Variants in ARFIP1 observed in about 807,000 individuals in gnomAD.
ARFIP1 encodes ARF interacting protein 1.
ARFIP1 carries 24 observed loss-of-function variants against 42.5 expected under a neutral mutation model. That is an observed-to-expected ratio of 0.57 (90% confidence interval 0.41 to 0.80). ARFIP1 has a LOEUF of 0.80. ARFIP1 is among the 30% of genes least tolerant of loss of function. The pLI, the probability that ARFIP1 is intolerant of heterozygous loss-of-function variation, is 0.00. For synonymous variants in ARFIP1, 141 were observed against 153.7 expected, an observed-to-expected ratio of 0.92 and a Z score of 0.61; for missense variants, 354 against 434.0, an observed-to-expected ratio of 0.82 and a Z score of 1.64.
chr4:152,891,428 G>C (rs770709902), intron 8 of ARFIP1, among the ~76,000 whole-genome samples: 1 of 152,134 alleles, frequency 6.6e-6, no homozygotes, highest in South Asian at 2.1e-4. Flanking sequence ...TTGTCATTTA[G>C]AAGAAGACAG....
chr4:152,846,942 T>C (rs1487500047), intron 2 of ARFIP1, among the ~76,000 whole-genome samples: 1 of 151,682 alleles, frequency 6.6e-6, no homozygotes, highest in Non-Finnish European at 1.5e-5. Context: ...TTTGTTCTTG[T>C]TTGTGTTTCT....
At chr4:152,817,938 TAGAAAAAAAC>T (rs1341160139) in intron 1 of ARFIP1, among the ~76,000 whole-genome samples, 1 of 152,178 alleles carries the variant, frequency 6.6e-6, no homozygotes, top group Non-Finnish European at 1.5e-5. Context: ...TGGCAGCTAT[TAGAAAAAAAC>T]AGTAAATAAC....
intron 2 of ARFIP1, among the ~76,000 whole-genome samples, chr4:152,839,050 T>C (rs1401667620): frequency 1.3e-5 from 2 of 152,212 alleles, no homozygotes; most frequent in Non-Finnish European, 2.9e-5. Context: ...GTTTAACTTT[T>C]GTTTTTAATT....
At chr4:152,890,273 G>A (rs2149899579) in intron 8 of ARFIP1, among the ~76,000 whole-genome samples, 1 of 152,180 alleles carries the variant, frequency 6.6e-6, no homozygotes, top group Admixed American at 6.6e-5. Context: ...TGTACACTGA[G>A]CAGGGAGGGA....
intron 5 of ARFIP1, 54 bp from the exon 6 acceptor site, chr4:152,880,909 T>C (rs1372869468): frequency 8.3e-6 from 12 of 1,438,678 alleles, no homozygotes; most frequent in Non-Finnish European, 9.7e-6. Context: ...TGCTCTAGCA[T>C]TTATATTTTG....
chr4:152,888,366 T>G (rs1320398872), intron 8 of ARFIP1, 59 bp downstream of exon 8: 16 of 1,234,310 alleles, frequency 1.3e-5, no homozygotes, highest in African/African-American at 1.5e-5. Flanking sequence ...TAAAGAGAGA[T>G]AGTCAGTTTT....
chr4:152,831,769 CT>C (rs201178689), intron 2 of ARFIP1, among the ~76,000 whole-genome samples: 1 of 151,428 alleles, frequency 6.6e-6, no homozygotes, highest in Non-Finnish European at 1.5e-5. Flanking sequence ...GTTTTTCTAT[CT>C]TTTTTTTTAA....
rs1734821105 is a variant in ARFIP1 at position 152,870,842 on chromosome 4, C to T, written c.292C>T (p.Pro98Ser). 1.9e-6 allele frequency: 3 copies of T among 1,611,700 alleles called. No individual in the cohort carries two copies. The highest frequency in any genetic ancestry group is 2.7e-5 in the African/African-American group (2 of 74,866). Residue 98 changes from proline to serine, a missense_variant, in exon 4 of 9, where the codon CCT (proline) becomes TCT (serine). Physicochemically the swap from Pro to Ser is moderately conservative, Grantham distance 74. Coordinates refer to ENST00000353617, the MANE Select transcript of ARFIP1 (RefSeq NM_001025595.3). ...TCAGCAAGGAAGTGATTTAATTGTT[C>T]CTGCAGGTATTCACTGCACTGATTG... is the stretch of plus-strand genomic sequence containing the variant. ...LAQQGSDLIV[P>S]AGGQRTQTKS...
intron 2 of ARFIP1, among the ~76,000 whole-genome samples, chr4:152,851,539 C>A (rs1469542494): frequency 1.3e-5 from 2 of 152,086 alleles, no homozygotes; most frequent in African/African-American, 4.8e-5. Flanking sequence ...CCTTGAAAAC[C>A]ATATTGAAGA....
intron 5 of ARFIP1, among the ~76,000 whole-genome samples, chr4:152,878,764 C>A (rs1735578292): frequency 6.6e-6 from 1 of 152,198 alleles, no homozygotes; most frequent in Admixed American, 6.5e-5. Context: ...GCCACTCAGA[C>A]AGCAGTGAGT....
intron 8 of ARFIP1, among the ~76,000 whole-genome samples, chr4:152,894,136 A>G (rs1420779229): frequency 6.6e-6 from 1 of 150,538 alleles, no homozygotes; most frequent in Non-Finnish European, 1.5e-5. Flanking sequence ...TGAACCTGGG[A>G]GGCGGAGGTT....
rs1245275977 is a variant in ARFIP1, at chr4:152,889,751, T to C, written c.966+1444T>C. On this transcript the variant is annotated intron_variant, in intron 8 of 8. Transcript: ENST00000353617. ...TATATATACTATACTATATATACTATATATTATATACTATACTATATACTA... is the reference window on the plus strand; with the variant it reads ...TATATATACTATACTATATATACTACATATTATATACTATACTATATACTA... Among the ~76,000 whole-genome samples the C allele has an allele frequency of 4.1e-3, 163 of 39,832 alleles. 3 individuals are homozygous for C. The highest frequency in any genetic ancestry group is 0.012 in the African/African-American group (145 of 11,742). The allele number at this position is 39,832 out of a possible 152,430, so 26.1% of individuals were successfully genotyped here. A position where few individuals can be genotyped will look rare whatever the true frequency, so the allele number is the denominator to read the frequency against.
At chr4:152,905,171 A>G (rs1388445334) in intron 8 of ARFIP1, among the ~76,000 whole-genome samples, 3 of 152,216 alleles carry the variant, frequency 2.0e-5, no homozygotes, top group African/African-American at 2.4e-5. Flanking sequence ...ACTTTCATGT[A>G]GAAGTCGTTG....
intron 1 of ARFIP1, among the ~76,000 whole-genome samples, chr4:152,784,992 G>A (rs1730714519): frequency 6.6e-6 from 1 of 152,184 alleles, no homozygotes; most frequent in Non-Finnish European, 1.5e-5. Flanking sequence ...AAATCTTCCA[G>A]AGGAGGGAGT....
At chr4:152,889,695 C>CTA (rs1255237387) in intron 8 of ARFIP1, among the ~76,000 whole-genome samples, 1 of 123,562 alleles carries the variant, frequency 8.1e-6, no homozygotes, top group Non-Finnish European at 1.6e-5. Context: ...TATATATGCA[C>CTA]TATATATAGT....
At chr4:152,791,038 C>G (rs563141200) in intron 1 of ARFIP1, among the ~76,000 whole-genome samples, 4 of 151,644 alleles carry the variant, frequency 2.6e-5, no homozygotes, top group African/African-American at 9.7e-5. Context: ...ATGCCTGGCC[C>G]GATGTGTTTA....
chr4:152,829,412 A>G (rs1043633482), intron 1 of ARFIP1, among the ~76,000 whole-genome samples: 1 of 152,204 alleles, frequency 6.6e-6, no homozygotes, highest in African/African-American at 2.4e-5. Flanking sequence ...ACAAATATGT[A>G]ACTCATTTTT....
chr4:152,784,218 A>G (rs1028531919), intron 1 of ARFIP1, among the ~76,000 whole-genome samples: 9 of 152,218 alleles, frequency 5.9e-5, no homozygotes, highest in African/African-American at 1.9e-4. Context: ...ATGTAGCACT[A>G]CTTCTGGATG....
At chr4:152,826,352 A>G (rs183484255) in intron 1 of ARFIP1, among the ~76,000 whole-genome samples, 24 of 152,302 alleles carry the variant, frequency 1.6e-4, no homozygotes, top group Middle Eastern at 3.4e-3. Flanking sequence ...CCATTATTCT[A>G]AGTGAAACAA....
Sources: gnomAD v4.1 joint callset for allele counts (sites outside exome capture counted in the v4.1 genomes callset) on GRCh38, gnomAD v4.1.1 for gene constraint, MANE v1.5 for transcripts, NCBI Gene and HGNC (gene_info 2026-07-23, HGNC 2026-07-21) for gene names.